The following COA1 variants were observed in gnomAD, a reference collection of about 807,000 sequenced individuals.
COA1 encodes cytochrome c oxidase assembly factor 1 homolog.
A neutral mutation model predicts 16.0 loss-of-function variants in COA1; 13 were observed. The ratio of observed to expected loss-of-function variants is 0.81; its 90% CI spans 0.53 to 1.29. The LOEUF is 1.29. Ranked by LOEUF, COA1 falls within the 50% of genes most tolerant of loss-of-function variation. COA1 has a pLI of 0.00. For synonymous variants in COA1, 65 were observed against 65.7 expected, an observed-to-expected ratio of 0.99 and a Z score of 0.05; for missense variants, 179 against 177.0, an observed-to-expected ratio of 1.01 and a Z score of -0.06.
chr7:43,658,719 T>C (rs2092092772), intron 1 of COA1: 1 of 152,012 alleles, frequency 6.6e-6, no homozygotes, highest in Non-Finnish European at 1.5e-5. Flanking sequence ...TACTAGAATA[T>C]GAAAGGGGGA....
chr7:43,688,182 A>C (rs1455561840), intron 1 of COA1, among the ~76,000 whole-genome samples: 1 of 152,214 alleles, frequency 6.6e-6, no homozygotes, highest in African/African-American at 2.4e-5. Flanking sequence ...CAGCAGCATG[A>C]AAACAAACTA....
chr7:43,641,433 G>A (rs1296082390), intron 4 of COA1: 1 of 151,624 alleles, frequency 6.6e-6, no homozygotes, highest in Non-Finnish European at 1.5e-5. Flanking sequence ...TAACAATACA[G>A]ATTCATGGAA....
downstream of COA1, among the ~76,000 whole-genome samples, chr7:43,635,437 C>T (rs1181546433): frequency 2.0e-5 from 3 of 152,144 alleles, no homozygotes; most frequent in Non-Finnish European, 4.4e-5. Context: ...CACTGTGGGT[C>T]AGCTGTCCGA....
At chr7:43,611,248 A>G (rs919791569) in intron 6 of COA1, among the ~76,000 whole-genome samples, 3 of 152,208 alleles carry the variant, frequency 2.0e-5, no homozygotes, top group African/African-American at 7.2e-5. Context: ...AGAAAAATTT[A>G]CTCGTTTCCT....
intron 1 of COA1, among the ~76,000 whole-genome samples, chr7:43,694,473 G>A (rs892394827): frequency 6.6e-5 from 10 of 151,978 alleles, no homozygotes; most frequent in African/African-American, 1.5e-4. Context: ...AATGTCCTCC[G>A]TATTGTTAAA....
intron 1 of COA1, among the ~76,000 whole-genome samples, chr7:43,654,907 G>C (rs1293983131): frequency 1.3e-5 from 2 of 152,088 alleles, no homozygotes; most frequent in Admixed American, 1.3e-4. Flanking sequence ...AAATTCCTGA[G>C]AATAAAGGCC....
chr7:43,619,554 A>G, intron 6 of COA1: 2 of 1,600,118 alleles, frequency 1.2e-6, no homozygotes, highest in Non-Finnish European at 1.7e-6. Flanking sequence ...TGTGTACTTA[A>G]TCATAGTTAT....
intron 1 of COA1, among the ~76,000 whole-genome samples, chr7:43,653,345 C>T (rs1321739096): frequency 4.0e-5 from 6 of 151,598 alleles, no homozygotes; most frequent in Non-Finnish European, 7.4e-5. Flanking sequence ...ACGGCAAAAA[C>T]AAAACAAAAG....
intron 1 of COA1, chr7:43,648,941 G>T: frequency 3.4e-6 from 1 of 294,326 alleles, no homozygotes; most frequent in Non-Finnish European, 6.4e-6. Context: ...GACAGCAAGT[G>T]CTTTGACCAC....
chr7:43,645,445 G>A (rs1193873383), intron 3 of COA1, 46 bp from the exon 4 acceptor site: 7 of 1,566,154 alleles, frequency 4.5e-6, no homozygotes, highest in Non-Finnish European at 4.4e-6. Flanking sequence ...ACTTGGTCAG[G>A]TAGAATCTAC....
At chr7:43,635,548 T>A (rs1338587345), downstream of COA1, among the ~76,000 whole-genome samples, 1 of 152,198 alleles carries the variant, frequency 6.6e-6, no homozygotes, top group African/African-American at 2.4e-5. Flanking sequence ...TTAAAACTTT[T>A]ACTCAGAAGT....
chr7:43,631,717 G>A (rs1305744148), intron 6 of COA1: 1 of 152,058 alleles, frequency 6.6e-6, no homozygotes, highest in Non-Finnish European at 1.5e-5. Context: ...GACTTCTTTG[G>A]GTTTCACTCA....
intron 6 of COA1, among the ~76,000 whole-genome samples, chr7:43,619,280 G>A (rs2153004530): frequency 6.6e-6 from 1 of 152,284 alleles, no homozygotes. Flanking sequence ...TGAGCTTTGA[G>A]GGAATAGTAG....
chr7:43,618,253 A>G (rs2083528728), intron 6 of COA1, among the ~76,000 whole-genome samples: 1 of 152,214 alleles, frequency 6.6e-6, no homozygotes, highest in South Asian at 2.1e-4. Flanking sequence ...AGGCCAGGGC[A>G]GGCTTTACAG....
chr7:43,624,656 T>C (rs769584993), intron 6 of COA1: 1 of 1,614,132 alleles, frequency 6.2e-7, no homozygotes, highest in Admixed American at 1.7e-5. Flanking sequence ...CTGAAATTAA[T>C]TCGGATACCG....
chr7:43,696,952 A>G (rs538862150), intron 1 of COA1, among the ~76,000 whole-genome samples: 14 of 152,084 alleles, frequency 9.2e-5, no homozygotes, highest in South Asian at 6.2e-4. Flanking sequence ...GTGAAACCCC[A>G]TATCTACTAA....
At chr7:43,711,928 G>A (rs1002794233) in intron 1 of COA1, among the ~76,000 whole-genome samples, 7 of 152,132 alleles carry the variant, frequency 4.6e-5, no homozygotes, top group African/African-American at 1.4e-4. Flanking sequence ...GTGTGAATAC[G>A]AAGAGAAACT....
chr7:43,640,462 A>T, intron 5 of COA1, 111 bp downstream of exon 5: 1 of 823,110 alleles, frequency 1.2e-6, no homozygotes, highest in Non-Finnish European at 2.0e-6. Context: ...CTTGAAAAAT[A>T]ATTCTTCCTA....
At chr7:43,664,334 A>G (rs1339525643) in intron 1 of COA1, among the ~76,000 whole-genome samples, 1 of 152,106 alleles carries the variant, frequency 6.6e-6, no homozygotes, top group Non-Finnish European at 1.5e-5. Context: ...TATCAAGGTG[A>G]CCAAATTCCC....
Sources: allele counts gnomAD v4.1 joint callset (sites outside exome capture counted in the v4.1 genomes callset), GRCh38; gene constraint gnomAD v4.1.1; transcripts MANE v1.5; gene names NCBI Gene and HGNC (gene_info 2026-07-23, HGNC 2026-07-21).